Variants in KAT7 observed in about 807,000 individuals in gnomAD.
The protein encoded by KAT7 is histone acetyltransferase KAT7.
In KAT7, 10 loss-of-function variants were observed where a neutral mutation model predicts 82.1. The observed-to-expected ratio is 0.12, with a 90% CI of 0.08 to 0.21. The LOEUF (loss-of-function observed/expected upper bound fraction) is 0.21, where lower values mean the gene tolerates loss of function less well. Ranked by LOEUF, KAT7 falls within the 10% of genes least tolerant of loss-of-function variation. The probability of loss-of-function intolerance (pLI) is 1.00; values close to 1 mark genes in which losing one functional copy is unlikely to be tolerated. For missense variants in KAT7, 378 were observed against 760.9 expected (o/e 0.50, Z 5.92); for synonymous variants, 250 against 262.5 (o/e 0.95, Z 0.46).
chr17:49,789,950 G>A (rs2073863901), intron 1 of KAT7: 1 of 152,112 alleles, frequency 6.6e-6, no homozygotes, highest in African/African-American at 2.4e-5. Flanking sequence ...CTCACGTCAA[G>A]GCTTTAAATA....
chr17:49,820,255 CTT>C lies in KAT7; in HGVS notation c.1156-1075_1156-1074del, dbSNP rs1166273525. ...TGACACCCTATCTCAAAAAAAAAAACTTTTTTTTATACGTCTATACTTTTTAA... is the reference window on the plus strand; with the variant it reads ...TGACACCCTATCTCAAAAAAAAAAACTTTTTTATACGTCTATACTTTTTAA... On this transcript the variant is annotated intron_variant, in intron 9 of 14. Coordinates refer to ENST00000259021, the MANE Select transcript of KAT7 (RefSeq NM_007067.5). Among the ~76,000 whole-genome samples the C allele has an allele frequency of 2.7e-5, 4 of 150,734 alleles. No individual in the cohort carries two copies. In the East Asian group the frequency reaches 7.8e-4, roughly 29 times the overall value.
In KAT7 at chr17:49,828,686, T is replaced by C. The variant is rs2074396297; in HGVS notation, c.*1184T>C. On this transcript the variant is annotated 3_prime_UTR_variant, in exon 15 of 15. Transcript: ENST00000259021. The stretch of plus-strand genomic sequence containing the variant: ...TCTGGTCTTCTATTTTTGGTGTTGT[T>C]CAAGTGAAGGAAGAGATGTTCCCTC... 2 of 152,782 alleles carry C rather than the reference T, an allele frequency of 1.3e-5. No homozygotes were observed. The highest frequency in any genetic ancestry group is 2.9e-5 in the Non-Finnish European group (2 of 68,044). 9.5% of individuals were successfully genotyped at this position (152,782 alleles called of 1,614,324 possible).
intron 11 of KAT7, among the ~76,000 whole-genome samples, chr17:49,822,250 C>T (rs1477267678): frequency 6.6e-6 from 1 of 150,564 alleles, no homozygotes; most frequent in Non-Finnish European, 1.5e-5. Context: ...TTTTTTCTGA[C>T]AGAGTCTCAC....
In KAT7 at chr17:49,827,628, T is replaced by A. The variant is rs1397549371; in HGVS notation, c.*126T>A. 1 of 667,260 alleles carries A rather than the reference T, an allele frequency of 1.5e-6. No individual in the cohort carries two copies. The highest frequency in any genetic ancestry group is 1.8e-5 in the African/African-American group (1 of 55,818). 41.3% of individuals were successfully genotyped at this position (667,260 alleles called of 1,614,324 possible). The stretch of plus-strand genomic sequence containing the variant: ...GTATCCTTTGGGAAGGCCATCCCCC[T>A]CAGGACTGTCCTGGCTCCGACCTTT... On this transcript the variant is annotated 3_prime_UTR_variant, in exon 15 of 15. Transcript: ENST00000259021.
chr17:49,816,214 A>G (rs2074232871), intron 8 of KAT7, among the ~76,000 whole-genome samples: 1 of 152,074 alleles, frequency 6.6e-6, no homozygotes, highest in African/African-American at 2.4e-5. Flanking sequence ...CAGCTGGGCA[A>G]TTTGCAATTC....
At chr17:49,808,692 T>C (rs2074123837) in intron 5 of KAT7, among the ~76,000 whole-genome samples, 1 of 152,140 alleles carries the variant, frequency 6.6e-6, no homozygotes, top group South Asian at 2.1e-4. Flanking sequence ...CCTTAGCTAA[T>C]CTGCCCGCCT....
Position 49,801,496 on chromosome 17 carries a change from T to C in KAT7, c.580+2938T>C, listed in dbSNP as rs1276662455. 4.6e-5 allele frequency among the ~76,000 whole-genome samples: 7 copies of C among 152,200 alleles called. No homozygotes were observed. The East Asian group carries it at 1.2e-3, about 25-fold the overall frequency. On this transcript the variant is annotated intron_variant, in intron 4 of 14. Transcript: ENST00000259021. ...AATATGAACCCGAGCTTCCAAAGTA[T>C]CCTTTTTTTTTGAGGCAGAGTCTCA...
chr17:49,821,332 T>C lies in KAT7; in HGVS notation c.1156-5T>C. On this transcript the variant is annotated splice_region_variant and splice_polypyrimidine_tract_variant and intron_variant, in intron 9 of 14. Transcript: ENST00000259021. ...TTCCCTGATGTGAATTTCATTGTCT[T>C]GCAGGCCAAATGTGTGTGGAAACAC... 1.2e-6 allele frequency: 2 copies of C among 1,611,152 alleles called. No homozygotes were observed. The highest frequency in any genetic ancestry group is 2.2e-5 in the East Asian group (1 of 44,842).
At position 49,791,881 on chromosome 17, in the gene KAT7, T is replaced by C. The variant is rs2073893825; in HGVS notation, c.16-5T>C. On this transcript the variant is annotated splice_region_variant and splice_polypyrimidine_tract_variant and intron_variant, in intron 1 of 14. Coordinates refer to ENST00000259021, the MANE Select transcript of KAT7 (RefSeq NM_007067.5). ...GTGCTAATATCTGGATCTATGGTAT[T>C]ACAGAGGAATGCAGGCAGTAGTTCA... The C allele has an allele frequency of 6.2e-7, 1 of 1,613,766 alleles. No individual in the cohort carries two copies. The highest frequency in any genetic ancestry group is 1.3e-5 in the African/African-American group (1 of 74,918).
intron 1 of KAT7, among the ~76,000 whole-genome samples, chr17:49,790,934 TA>T (rs1485489509): frequency 6.6e-6 from 1 of 152,224 alleles, no homozygotes; most frequent in African/African-American, 2.4e-5. Context: ...GCTTAATTGA[TA>T]AAAGTTATCT....
At chr17:49,802,773 T>C (rs774336424) in intron 4 of KAT7, among the ~76,000 whole-genome samples, 4 of 152,200 alleles carry the variant, frequency 2.6e-5, no homozygotes, top group Non-Finnish European at 5.9e-5. Context: ...TCACCTAGGC[T>C]GGAGTATGGT....
rs763783437 is a variant in KAT7, at chr17:49,821,444, T to G, written c.1245+18T>G. 11 of 1,603,090 alleles carry G rather than the reference T, an allele frequency of 6.9e-6. No homozygotes were observed. The highest frequency in any genetic ancestry group is 3.3e-5 in the Admixed American group (2 of 59,912). Reference sequence around the variant, plus strand: ...AAAACAAGGTAAAAAGTGGTGACTTTAGAAAGGAGTTGAAATGTTGTATAT... The same window carrying G: ...AAAACAAGGTAAAAAGTGGTGACTTGAGAAAGGAGTTGAAATGTTGTATAT... On this transcript the variant is annotated intron_variant, in intron 10 of 14. Transcript: ENST00000259021.
At chr17:49,818,621 T>C (rs1289992369) in intron 9 of KAT7, among the ~76,000 whole-genome samples, 1 of 152,074 alleles carries the variant, frequency 6.6e-6, no homozygotes, top group African/African-American at 2.4e-5. Context: ...AAAAAAGCCA[T>C]TTTTCCCCCG....
At chr17:49,824,954 T>G (rs1346491280) in intron 12 of KAT7, among the ~76,000 whole-genome samples, 2 of 152,128 alleles carry the variant, frequency 1.3e-5, no homozygotes, top group Non-Finnish European at 2.9e-5. Context: ...ATGTCATAAA[T>G]TGTGATATTC....
intron 7 of KAT7, among the ~76,000 whole-genome samples, chr17:49,814,064 G>C (rs966309367): frequency 6.6e-6 from 1 of 152,012 alleles, no homozygotes; most frequent in Admixed American, 6.6e-5. Flanking sequence ...GCTGATTTTT[G>C]TAATTTTAGT....
Position 49,816,553 on chromosome 17 carries a change from A to G in KAT7, c.963+640A>G, listed in dbSNP as rs545436898. The stretch of plus-strand genomic sequence containing the variant: ...AATGTGTTCAGGGAAGCTCAGTTTT[A>G]AAGTGAATCTCGTCTTCACCCCCTT... On this transcript the variant is annotated intron_variant, in intron 8 of 14. Coordinates refer to ENST00000259021, the MANE Select transcript of KAT7 (RefSeq NM_007067.5). 3.3e-5 allele frequency among the ~76,000 whole-genome samples: 5 copies of G among 152,288 alleles called. No individual in the cohort carries two copies. The South Asian group carries it at 1.0e-3, about 32-fold the overall frequency.
At chr17:49,821,885 A>T (rs1444307235) in intron 11 of KAT7, 95 bp downstream of exon 11, 5 of 1,114,434 alleles carry the variant, frequency 4.5e-6, no homozygotes, top group Non-Finnish European at 5.3e-6. Flanking sequence ...AAGAAGCTGT[A>T]CTCTGGGCAA....
rs2143835937 is a variant in KAT7 at position 49,792,000 on chromosome 17, C to T, written c.130C>T (p.Arg44Cys). ...GTSRRSARVT[R>C]SSARLSQSSQ... is the part of the protein sequence containing the mutation. ...ATCCCGACGATCTGCTCGAGTCACC[C>T]GCTCCTCAGCCAGGCTAAGCCAGAG... is the stretch of plus-strand genomic sequence containing the variant. The change falls in exon 2 of 15, where the codon CGC (arginine) becomes TGC (cysteine). Residue 44 changes from arginine to cysteine, a missense_variant. Transcript: ENST00000259021. 6.2e-7 allele frequency: 1 copy of T among 1,614,072 alleles called. No homozygotes were observed. Among genetic ancestry groups the T allele is most frequent in the East Asian group, 2.2e-5 (1 of 44,884 alleles).
intron 5 of KAT7, among the ~76,000 whole-genome samples, chr17:49,806,800 A>G (rs2074097164): frequency 6.6e-6 from 1 of 152,238 alleles, no homozygotes; most frequent in Non-Finnish European, 1.5e-5. Flanking sequence ...CCAAAGGAAA[A>G]CATTTCTATC....
Sources: allele counts gnomAD v4.1 joint callset (sites outside exome capture counted in the v4.1 genomes callset), GRCh38; gene constraint gnomAD v4.1.1; transcripts MANE v1.5; gene names NCBI Gene and HGNC (gene_info 2026-07-23, HGNC 2026-07-21).